The following HPSE2 variants were observed in gnomAD, a reference collection of about 807,000 sequenced individuals.
HPSE2 encodes inactive heparanase-2.
In HPSE2, 38 loss-of-function variants were observed where a neutral mutation model predicts 60.5. The observed-to-expected ratio is 0.63, with a 90% CI of 0.48 to 0.82. HPSE2 has a LOEUF of 0.82. Among genes scored for constraint, HPSE2 ranks in the 40% least tolerant of loss-of-function variants. HPSE2 has a pLI of 0.00. For missense variants in HPSE2, 713 were observed against 740.4 expected (o/e 0.96, Z 0.43); for synonymous variants, 295 against 293.2 (o/e 1.01, Z -0.06).
intron 7 of HPSE2, among the ~76,000 whole-genome samples, chr10:98,628,376 AG>A (rs767092000): frequency 1.3e-5 from 2 of 152,312 alleles, no homozygotes; most frequent in Non-Finnish European, 2.9e-5. Flanking sequence ...TAAGAAACTG[AG>A]GGCTATAGTT....
At chr10:99,132,195 G>GAA (rs1564832790) in intron 3 of HPSE2, among the ~76,000 whole-genome samples, 111 of 14,064 alleles carry the variant, frequency 7.9e-3, no homozygotes, top group African/African-American at 0.013. Context: ...GAAAGAAAGA[G>GAA]AGAGAGAGAG....
intron 7 of HPSE2, among the ~76,000 whole-genome samples, chr10:98,639,643 T>C (rs1173775334): frequency 6.6e-6 from 1 of 152,200 alleles, no homozygotes; most frequent in Non-Finnish European, 1.5e-5. Context: ...CCTGGATAAA[T>C]CAGGAAGTAA....
chr10:98,829,776 T>A (rs1289486038), intron 3 of HPSE2, among the ~76,000 whole-genome samples: 2 of 152,258 alleles, frequency 1.3e-5, no homozygotes, highest in Non-Finnish European at 2.9e-5. Context: ...CAAAGTGATT[T>A]TTCAACACTA....
At chr10:98,620,500 C>T (rs1946043484) in intron 8 of HPSE2, 102 bp downstream of exon 8, 2 of 820,276 alleles carry the variant, frequency 2.4e-6, no homozygotes, top group Non-Finnish European at 4.2e-6. Context: ...CAACGGGAAA[C>T]ATGCCTCACC....
At chr10:99,029,695 A>C (rs1235846631) in intron 3 of HPSE2, among the ~76,000 whole-genome samples, 3 of 152,200 alleles carry the variant, frequency 2.0e-5, no homozygotes, top group Non-Finnish European at 4.4e-5. Context: ...TGCTATCTAG[A>C]AGGCAGAGCC....
rs1055168030 is a variant in HPSE2 at position 98,737,382 on chromosome 10, C to T, written c.784+6501G>A. Among the ~76,000 whole-genome samples, 2 of 139,108 alleles carry T rather than the reference C, an allele frequency of 1.4e-5. 1 individual carries two copies. Among genetic ancestry groups the T allele is most frequent in the Non-Finnish European group, 3.1e-5 (2 of 64,534 alleles). The allele number at this position is 139,108 out of a possible 152,430, so 91.3% of individuals were successfully genotyped here. On this transcript the variant is annotated intron_variant, in intron 4 of 11. Transcript: ENST00000370552. ...CAACACAGAAGGAAGGTGATTTCTG[C>T]ATTTCCAACTGAGGTACCCACTTCA...
chr10:98,739,320 C>T (rs1392315473), intron 4 of HPSE2, among the ~76,000 whole-genome samples: 2 of 151,650 alleles, frequency 1.3e-5, no homozygotes, highest in Admixed American at 1.3e-4. Flanking sequence ...TGTGGTCTGT[C>T]GTGGGGAGTG....
At chr10:99,311,325 G>C in the HPSE2 span, among the ~76,000 whole-genome samples, 1 of 152,174 alleles carries the variant, frequency 6.6e-6, no homozygotes, top group Non-Finnish European at 1.5e-5. Context: ...CAGACACTGT[G>C]TTTCTTACAA....
intron 3 of HPSE2, among the ~76,000 whole-genome samples, chr10:99,049,977 T>C (rs568813410): frequency 1.3e-4 from 20 of 152,152 alleles, no homozygotes; most frequent in African/African-American, 4.8e-4. Context: ...AATAAGCACA[T>C]GAAAATATAG....
intron 3 of HPSE2, among the ~76,000 whole-genome samples, chr10:98,977,950 C>T (rs1281522082): frequency 6.6e-6 from 1 of 150,746 alleles, no homozygotes; most frequent in Non-Finnish European, 1.5e-5. Context: ...TTTATATACC[C>T]ATGATTATAT....
the HPSE2 span, among the ~76,000 whole-genome samples, chr10:99,301,866 G>A: frequency 1.3e-5 from 2 of 151,354 alleles, no homozygotes; most frequent in Admixed American, 6.6e-5. Context: ...TAAATACAAG[G>A]CCCTTCTGCT....
At chr10:98,899,515 A>G (rs967096110) in intron 3 of HPSE2, among the ~76,000 whole-genome samples, 2 of 152,202 alleles carry the variant, frequency 1.3e-5, no homozygotes, top group African/African-American at 4.8e-5. Context: ...ATTTGAACCT[A>G]TACTTCACCA....
At chr10:98,542,983 C>T (rs573131942) in intron 9 of HPSE2, among the ~76,000 whole-genome samples, 54 of 152,084 alleles carry the variant, frequency 3.6e-4, no homozygotes, top group African/African-American at 1.2e-3. Context: ...GAGAATGCCA[C>T]AAAGATACTC....
intron 2 of HPSE2, among the ~76,000 whole-genome samples, chr10:99,203,969 CTATAGGCCAGCACT>C (rs1848661124): frequency 6.6e-6 from 1 of 152,042 alleles, no homozygotes; most frequent in Non-Finnish European, 1.5e-5. Flanking sequence ...GAAACCCAGG[CTATAGGCCAGCACT>C]TATAGACACA....
intron 3 of HPSE2, among the ~76,000 whole-genome samples, chr10:98,853,866 T>C (rs535112283): frequency 1.2e-4 from 18 of 152,270 alleles, no homozygotes; most frequent in African/African-American, 4.1e-4. Flanking sequence ...CTATCTCACA[T>C]ATGAGATACG....
intron 5 of HPSE2, among the ~76,000 whole-genome samples, chr10:98,699,439 C>A (rs1948337066): frequency 1.0e-5 from 1 of 98,940 alleles, no homozygotes; most frequent in African/African-American, 2.9e-5. Context: ...CAAAATTCAA[C>A]AACCCTTCAT....
At chr10:98,548,705 G>T (rs942010284) in intron 9 of HPSE2, among the ~76,000 whole-genome samples, 2 of 152,102 alleles carry the variant, frequency 1.3e-5, no homozygotes, top group Non-Finnish European at 2.9e-5. Context: ...GCATTCCACA[G>T]TAGGAATTGC....
In HPSE2 at chr10:98,940,105, C is replaced by G. The variant is rs868261517; in HGVS notation, c.611-196049G>C. On this transcript the variant is annotated intron_variant, in intron 3 of 11. Coordinates refer to ENST00000370552, the MANE Select transcript of HPSE2 (RefSeq NM_021828.5). ...GCAGTGTAAAGAGGGAAATTTATAG[C>G]ACTAAATGCCCACAAGAGAAAGCAG... Among the ~76,000 whole-genome samples the G allele has an allele frequency of 3.5e-5, 5 of 142,986 alleles. 1 individual carries two copies. The highest frequency in any genetic ancestry group is 1.4e-4 in the Admixed American group (2 of 14,344). The allele number at this position is 142,986 out of a possible 152,430, so 93.8% of individuals were successfully genotyped here.
intron 2 of HPSE2, among the ~76,000 whole-genome samples, chr10:99,184,522 CAAA>C (rs200059066): frequency 1.8e-4 from 11 of 60,730 alleles, no homozygotes; most frequent in African/African-American, 1.1e-3. Context: ...GAGACTGTCT[CAAA>C]AAAAAAAAAA....
Sources: gnomAD v4.1 joint callset for allele counts (sites outside exome capture counted in the v4.1 genomes callset) on GRCh38, gnomAD v4.1.1 for gene constraint, MANE v1.5 for transcripts, NCBI Gene and HGNC (gene_info 2026-07-23, HGNC 2026-07-21) for gene names.